PPP1R9A: variants seen among roughly 807,000 people sequenced by gnomAD.
The protein encoded by PPP1R9A is protein phosphatase 1 regulatory subunit 9A, also known as neurabin-1.
PPP1R9A carries 59 observed loss-of-function variants against 141.9 expected under a neutral mutation model. That is an observed-to-expected ratio of 0.42 (90% confidence interval 0.34 to 0.52). The LOEUF (loss-of-function observed/expected upper bound fraction) is 0.52. PPP1R9A is among the 20% of genes least tolerant of loss of function. The probability of loss-of-function intolerance (pLI) is 0.10; values close to 1 mark genes in which losing one functional copy is unlikely to be tolerated. For missense variants in PPP1R9A, 1,444 were observed against 1,611.9 expected, an observed-to-expected ratio of 0.90 and a Z score of 1.78; for synonymous variants, 500 against 569.7, an observed-to-expected ratio of 0.88 and a Z score of 1.74.
At chr7:95,138,535 A>G (rs1398605298) in intron 4 of PPP1R9A, among the ~76,000 whole-genome samples, 1 of 152,236 alleles carries the variant, frequency 6.6e-6, no homozygotes, top group Non-Finnish European at 1.5e-5. Context: ...GAACTTCATT[A>G]TATCCAAATT....
chr7:95,015,915 T>C (rs1805038339), intron 2 of PPP1R9A, among the ~76,000 whole-genome samples: 1 of 151,922 alleles, frequency 6.6e-6, no homozygotes. Context: ...AGGGCAGGCA[T>C]GGTGGTGTGT....
At chr7:94,973,150 G>A (rs1355985285) in intron 2 of PPP1R9A, among the ~76,000 whole-genome samples, 4 of 152,054 alleles carry the variant, frequency 2.6e-5, no homozygotes, top group African/African-American at 7.2e-5. Flanking sequence ...CTTAAATACT[G>A]TGAAAACAAG....
chr7:95,222,915 TAGA>T, intron 7 of PPP1R9A, among the ~76,000 whole-genome samples: 1 of 152,054 alleles, frequency 6.6e-6, no homozygotes, highest in Non-Finnish European at 1.5e-5. Flanking sequence ...GATAAAATAT[TAGA>T]AGAACCTATT....
In PPP1R9A at chr7:95,250,010, C is replaced by T. The variant is rs780385323; in HGVS notation, c.2167-16C>T. ...AGTGGCCAAATTATCTTTGCCTTGA[C>T]GTTTGCTTTCTCCAGCTGCAGGCAG... On this transcript the variant is annotated splice_polypyrimidine_tract_variant and intron_variant, in intron 9 of 19. Transcript: ENST00000433360. 23 of 1,572,424 alleles carry T rather than the reference C, an allele frequency of 1.5e-5. No individual in the cohort carries two copies. Among genetic ancestry groups the T allele is most frequent in the Middle Eastern group, 3.4e-4 (2 of 5,910 alleles).
intron 16 of PPP1R9A, among the ~76,000 whole-genome samples, chr7:95,274,492 T>A (rs1004300146): frequency 6.6e-6 from 1 of 152,324 alleles, no homozygotes; most frequent in Non-Finnish European, 1.5e-5. Context: ...TACTTCAGAT[T>A]TTTTGCCTGG....
rs1340825581 is a variant in PPP1R9A at position 94,910,056 on chromosome 7, G to GT, written c.-53dup. ...GTGATTAGAGAAGAGAGGTATCTTG[G>GT]TTTTTGGTTTTTTTCTTTGATCATT... On this transcript the variant is annotated 5_prime_UTR_variant, in exon 2 of 20. Transcript: ENST00000433360. The surrounding 1 kb of genome is among the most constrained non-coding windows in gnomAD (Gnocchi z 4.5). The GT allele has an allele frequency of 6.8e-7, 1 of 1,477,364 alleles. No individual in the cohort carries two copies. The highest frequency in any genetic ancestry group is 9.2e-7 in the Non-Finnish European group (1 of 1,091,002). 91.5% of individuals were successfully genotyped at this position (1,477,364 alleles called of 1,614,324 possible). A position where few individuals can be genotyped will look rare whatever the true frequency, so the allele number is the denominator to read the frequency against.
intron 16 of PPP1R9A, among the ~76,000 whole-genome samples, chr7:95,282,673 G>A (rs990035410): frequency 6.6e-6 from 1 of 152,316 alleles, no homozygotes. Flanking sequence ...TGTTTTTGGA[G>A]TTCCTCACCT....
At position 95,295,553 on chromosome 7, in the gene PPP1R9A, A is replaced by G. The variant is rs957827624; in HGVS notation, c.*5250A>G. On this transcript the variant is annotated 3_prime_UTR_variant, in exon 20 of 20. Transcript: ENST00000433360. ...CTGCCTACTGGCTCTCTTATGATGA[A>G]TGTTGCCATCATATGATCATTTATT... is the stretch of plus-strand genomic sequence containing the variant. 9 of 152,208 alleles carry G rather than the reference A, an allele frequency of 5.9e-5. No homozygotes were observed. The highest frequency in any genetic ancestry group is 5.2e-4 in the Admixed American group (8 of 15,284). The allele number at this position is 152,208 out of a possible 1,614,324, so 9.4% of individuals were successfully genotyped here.
intron 2 of PPP1R9A, among the ~76,000 whole-genome samples, chr7:94,986,553 A>G (rs2151385198): frequency 6.6e-6 from 1 of 152,306 alleles, no homozygotes; most frequent in South Asian, 2.1e-4. Flanking sequence ...TTGTACAGCA[A>G]TGTAGGATGA....
At chr7:94,918,284 G>A (rs527629478) in intron 2 of PPP1R9A, among the ~76,000 whole-genome samples, 10 of 152,010 alleles carry the variant, frequency 6.6e-5, no homozygotes, top group East Asian at 3.9e-4. Context: ...GTAATCTAGC[G>A]TCATTTCCCA....
At chr7:95,093,119 ATTTTGTTTTG>A (rs1037476929) in intron 2 of PPP1R9A, among the ~76,000 whole-genome samples, 1 of 151,972 alleles carries the variant, frequency 6.6e-6, no homozygotes, top group Non-Finnish European at 1.5e-5. Flanking sequence ...GTTTTGTTTT[ATTTTGTTTTG>A]TTTTTTTGGC....
chr7:94,996,377 A>G (rs1802172743), intron 2 of PPP1R9A, among the ~76,000 whole-genome samples: 1 of 152,182 alleles, frequency 6.6e-6, no homozygotes, highest in Non-Finnish European at 1.5e-5. Context: ...GGATAAGAAA[A>G]CTAGATACTG....
chr7:95,029,887 T>G (rs1807413844), intron 2 of PPP1R9A, among the ~76,000 whole-genome samples: 2 of 152,234 alleles, frequency 1.3e-5, no homozygotes, highest in African/African-American at 4.8e-5. Context: ...ACTAAATGAT[T>G]GGTACATTTA....
rs758730477 is a variant in PPP1R9A at position 94,910,939 on chromosome 7, G to A, written c.826G>A (p.Ala276Thr). 1.2e-6 allele frequency: 2 copies of A among 1,614,100 alleles called. No individual in the cohort carries two copies. Among genetic ancestry groups the A allele is most frequent in the Admixed American group, 1.7e-5 (1 of 60,010 alleles). ...TACAGAGGATGCTCACAAGAGTAAT[G>A]CAACTCCAGTACCAGAAGTGGCTTC... is the stretch of plus-strand genomic sequence containing the variant. Reference protein sequence around the residue: ...VDTEDAHKSNATPVPEVASKS... With the variant: ...VDTEDAHKSNTTPVPEVASKS... Residue 276 changes from alanine (A) to threonine (T), a missense_variant, in exon 2 of 20, where the codon GCA becomes ACA. This residue lies in a region of PPP1R9A where 490 missense variants were observed against 521.1 expected (regional missense o/e 0.94). Transcript: ENST00000433360. The surrounding 1 kb of genome is among the most constrained non-coding windows in gnomAD (Gnocchi z 4.5).
At chr7:95,160,164 G>A (rs1830260189) in intron 4 of PPP1R9A, among the ~76,000 whole-genome samples, 1 of 151,902 alleles carries the variant, frequency 6.6e-6, no homozygotes, top group Non-Finnish European at 1.5e-5. Context: ...ATAAACATAA[G>A]TATGAACACA....
chr7:95,089,905 G>C (rs889263977), intron 2 of PPP1R9A, among the ~76,000 whole-genome samples: 1 of 151,894 alleles, frequency 6.6e-6, no homozygotes, highest in African/African-American at 2.4e-5. Context: ...TGTGAACTAA[G>C]CTCAGGAAAT....
chr7:94,963,381 T>C (rs1479708959), intron 2 of PPP1R9A, among the ~76,000 whole-genome samples: 1 of 152,184 alleles, frequency 6.6e-6, no homozygotes, highest in Non-Finnish European at 1.5e-5. Flanking sequence ...ATAATTCACA[T>C]ACCATAAAAT....
At chr7:94,919,177 T>C (rs1205291024) in intron 2 of PPP1R9A, among the ~76,000 whole-genome samples, 3 of 152,170 alleles carry the variant, frequency 2.0e-5, no homozygotes, top group Non-Finnish European at 4.4e-5. Context: ...TTGCTCAGGC[T>C]GGAGTTCAGT....
chr7:95,159,935 A>AAG lies in PPP1R9A; in HGVS notation c.1650-1931_1650-1930insGA, dbSNP rs1014625116. Among the ~76,000 whole-genome samples, 34 of 142,732 alleles carry AAG rather than the reference A, an allele frequency of 2.4e-4. No homozygotes were observed. The East Asian group carries it at 6.8e-3, about 28-fold the overall frequency. The allele number at this position is 142,732 out of a possible 152,430, so 93.6% of individuals were successfully genotyped here. A position where few individuals can be genotyped will look rare whatever the true frequency, so the allele number is the denominator to read the frequency against. On this transcript the variant is annotated intron_variant, in intron 4 of 19. Transcript: ENST00000433360. The stretch of plus-strand genomic sequence containing the variant: ...AGGGAGACATTGTCTCAAAAAAAAA[A>AAG]AAAAAAAGAAAGAAAGAAAGAAAAA...
Sources: gnomAD v4.1 joint callset for allele counts (sites outside exome capture counted in the v4.1 genomes callset) on GRCh38, gnomAD v4.1.1 for gene constraint, gnomAD v4.1.1 regional missense constraint, Gnocchi (gnomAD v3.1) non-coding constraint, MANE v1.5 for transcripts, NCBI Gene and HGNC (gene_info 2026-07-23, HGNC 2026-07-21) for gene names.